PIEZO1: variants seen among roughly 807,000 people sequenced by gnomAD.
The protein encoded by PIEZO1 is piezo type mechanosensitive ion channel component 1 (Er blood group), also known as piezo-type mechanosensitive ion channel component 1.
PIEZO1 carries 296 observed loss-of-function variants against 297.2 expected under a neutral mutation model. The observed-to-expected ratio is 1.00, with a 90% CI of 0.91 to 1.10. PIEZO1 has a LOEUF of 1.10. Ranked by LOEUF, PIEZO1 falls within the 50% of genes least tolerant of loss-of-function variation. The probability of loss-of-function intolerance (pLI) is 0.00; values close to 1 mark genes in which losing one functional copy is unlikely to be tolerated. For synonymous variants in PIEZO1, 2,427 were observed against 1,507.5 expected (o/e 1.61, Z -14.13); for missense variants, 5,018 against 3,455.5 (o/e 1.45, Z -11.34).
intron 44 of PIEZO1, chr16:88,717,575 CTA>C (rs2142753273): frequency 2.1e-6 from 1 of 480,746 alleles, no homozygotes; most frequent in South Asian, 1.5e-5. Context: ...AGAGCTAAAA[CTA>C]TAGAACTTTT....
chr16:88,771,818 G>T (rs1907439047), intron 1 of PIEZO1, among the ~76,000 whole-genome samples: 1 of 34,078 alleles, frequency 2.9e-5, no homozygotes, highest in South Asian at 1.1e-3. Context: ...CGCGGCCCCA[G>T]GCCCTCCTGA....
In PIEZO1 at chr16:88,736,136, G is replaced by A. The variant is rs1905196685; in HGVS notation, c.1557+12C>T. ...CACCCAGGCACCCCCGGATGTGGTG[G>A]TGCACACTCACCATGGCACCAAGGT... On this transcript the variant is annotated intron_variant, in intron 12 of 50. Transcript: ENST00000301015. 2.6e-6 allele frequency: 4 copies of A among 1,537,828 alleles called. No individual in the cohort carries two copies. The highest frequency in any genetic ancestry group is 2.0e-5 in the Admixed American group (1 of 50,682).
chr16:88,715,370 T>TTTAA lies in PIEZO1; in HGVS notation c.*231_*234dup, dbSNP rs1250833686. ...GTCCATTTGTATAAATAAAACATTT[T>TTTAA]TTAATTAAAAAAAAAACTCTACAGT... is the stretch of plus-strand genomic sequence containing the variant. On this transcript the variant is annotated 3_prime_UTR_variant, in exon 51 of 51. Transcript: ENST00000301015. 3.3e-5 allele frequency: 40 copies of TTTAA among 1,212,568 alleles called. No individual in the cohort carries two copies. Among genetic ancestry groups the TTTAA allele is most frequent in the East Asian group, 1.0e-4 (4 of 39,270 alleles). 75.1% of individuals were successfully genotyped at this position (1,212,568 alleles called of 1,614,324 possible).
rs1286645169 is a variant in PIEZO1 at position 88,735,243 on chromosome 16, G to A, written c.1561C>T (p.Leu521Phe). The A allele has an allele frequency of 5.2e-6, 8 of 1,548,620 alleles. No individual in the cohort carries two copies. The highest frequency in any genetic ancestry group is 2.0e-5 in the Admixed American group (1 of 50,974). The change falls in exon 13 of 51, where the codon CTC (leucine) becomes TTC (phenylalanine). Residue 521 changes from leucine to phenylalanine, a missense_variant. Physicochemically the swap from Leu to Phe is conservative, Grantham distance 22. Coordinates refer to ENST00000301015, the MANE Select transcript of PIEZO1 (RefSeq NM_001142864.4). ...AGGAGCCAGAAGGTCAGGGTGTAGA[G>A]CAACTGTGACAAGCGCAGGGTGTCA... ...YPCLDLGAML[L>F]YTLTFWLLLR... is the part of the protein sequence containing the mutation.
intron 12 of PIEZO1, 61 bp downstream of exon 12, chr16:88,736,087 G>C: frequency 6.8e-7 from 1 of 1,467,758 alleles, no homozygotes; most frequent in African/African-American, 1.4e-5. Flanking sequence ...CATTGAACAG[G>C]ACGACAACCC....
chr16:88,738,763 G>A (rs1393658193), intron 5 of PIEZO1, 27 bp from the exon 6 acceptor site: 2 of 1,518,618 alleles, frequency 1.3e-6, no homozygotes, highest in Admixed American at 2.0e-5. Flanking sequence ...CAGGGGCAAG[G>A]TCAGGTGTAT....
intron 1 of PIEZO1, among the ~76,000 whole-genome samples, chr16:88,764,829 C>G (rs1206680858): frequency 6.6e-6 from 1 of 152,138 alleles, no homozygotes; most frequent in Non-Finnish European, 1.5e-5. Context: ...ATGCCGTGAC[C>G]TCCCAAAACG....
rs1292201259 is a variant in PIEZO1 at position 88,716,234 on chromosome 16, C to T, written c.7093G>A (p.Gly2365Arg). The T allele has an allele frequency of 1.9e-5, 29 of 1,496,132 alleles. No individual in the cohort carries two copies. The highest frequency in any genetic ancestry group is 4.2e-5 in the African/African-American group (3 of 71,816). 92.7% of individuals were successfully genotyped at this position (1,496,132 alleles called of 1,614,324 possible). ...LFPKYIRAPN[G>R]PEANPVKQLQ... ...TGCTTCACAGGGTTGGCTTCGGGCCCGTTGGGGGCACGGATGTACTTGGGG... is the reference window on the plus strand; with the variant it reads ...TGCTTCACAGGGTTGGCTTCGGGCCTGTTGGGGGCACGGATGTACTTGGGG... The change falls in exon 49 of 51, where the codon GGG becomes AGG. Residue 2365 changes from glycine (G) to arginine (R), a missense_variant. Coordinates refer to ENST00000301015, the MANE Select transcript of PIEZO1 (RefSeq NM_001142864.4).
At chr16:88,784,792 C>A in intron 1 of PIEZO1, 109 bp downstream of exon 1, 1 of 780,830 alleles carries the variant, frequency 1.3e-6, no homozygotes, top group South Asian at 2.7e-5. Context: ...AATTTCCGCG[C>A]CCGCTCGCCC....
chr16:88,725,989 G>A, intron 27 of PIEZO1: 1 of 568,232 alleles, frequency 1.8e-6, no homozygotes. Context: ...ACACCACACA[G>A]TGGCCCTCCC....
chr16:88,773,872 C>A (rs1907538929), intron 1 of PIEZO1, among the ~76,000 whole-genome samples: 1 of 152,136 alleles, frequency 6.6e-6, no homozygotes. Context: ...CCGGAGCTTG[C>A]TCTGGGCACT....
At position 88,753,707 on chromosome 16, in the gene PIEZO1, T is replaced by A. The variant is rs1033940167; in HGVS notation, c.65-4228A>T. ...ACACTCCTTGGATCTACCTGTGCTG[T>A]CTATGCAGCCGGCAGTGCTCTTGGT... On this transcript the variant is annotated intron_variant, in intron 1 of 50. Transcript: ENST00000301015. Among the ~76,000 whole-genome samples, 18 of 152,310 alleles carry A rather than the reference T, an allele frequency of 1.2e-4. 1 individual carries two copies. Among genetic ancestry groups the A allele is most frequent in the African/African-American group, 4.8e-5 (2 of 41,576 alleles).
rs1310557035 is a variant in PIEZO1 at position 88,715,870 on chromosome 16, G to T, written c.7317-16C>A. On this transcript the variant is annotated splice_polypyrimidine_tract_variant and intron_variant, in intron 50 of 50. Transcript: ENST00000301015. ...CCCCATGATGCTGCGGGGGAAGCTG[G>T]TGAGTCCTGGGGCCGCCCGGAGCCC... The T allele has an allele frequency of 6.5e-7, 1 of 1,548,704 alleles. No individual in the cohort carries two copies. Among genetic ancestry groups the T allele is most frequent in the Non-Finnish European group, 8.7e-7 (1 of 1,145,828 alleles).
rs1048227877 is a variant in PIEZO1 at position 88,727,127 on chromosome 16, C to A, written c.3367G>T (p.Glu1123Ter). Residue 1123 changes from glutamate to a stop codon, truncating the protein, a stop_gained, in exon 24 of 51, where the codon GAG (glutamate) becomes TAG (stop). Coordinates refer to ENST00000301015, the MANE Select transcript of PIEZO1 (RefSeq NM_001142864.4). LOFTEE classifies it high-confidence loss of function. The part of the protein sequence containing the change: ...WQVFSAERTE[E>*]WQRMAGVNTD... ...TTGACGCCAGCCATGCGCTGCCACTCCTCTGTGCGCTCAGCTGAGAACACC... is the reference window on the plus strand; with the variant it reads ...TTGACGCCAGCCATGCGCTGCCACTACTCTGTGCGCTCAGCTGAGAACACC... 15 of 1,549,966 alleles carry A rather than the reference C, an allele frequency of 9.7e-6. No homozygotes were observed. The highest frequency in any genetic ancestry group is 8.7e-6 in the Non-Finnish European group (10 of 1,146,724).
intron 1 of PIEZO1, among the ~76,000 whole-genome samples, chr16:88,762,921 C>A (rs1017110021): frequency 6.6e-6 from 1 of 152,186 alleles, no homozygotes; most frequent in Non-Finnish European, 1.5e-5. Context: ...CCAATACGCC[C>A]GAGCCCCCAC....
intron 1 of PIEZO1, among the ~76,000 whole-genome samples, chr16:88,763,389 T>C (rs547585595): frequency 8.5e-5 from 13 of 152,292 alleles, no homozygotes; most frequent in Middle Eastern, 3.4e-3. Flanking sequence ...ATCTAGAAAG[T>C]AGCAGTGGGC....
chr16:88,726,843 G>T lies in PIEZO1; in HGVS notation c.3571C>A (p.Leu1191Met), dbSNP rs542605482. The change falls in exon 25 of 51, where the codon CTG (leucine) becomes ATG (methionine). Residue 1191 changes from leucine to methionine, a missense_variant. By Grantham distance (15) the Leu-to-Met change is conservative. Coordinates refer to ENST00000301015, the MANE Select transcript of PIEZO1 (RefSeq NM_001142864.4). ...RISIFGLGYL[L>M]ACFYLLLFGT... is the part of the protein sequence containing the mutation. Reference sequence around the variant, plus strand: ...AAGAGCAGCAGGTAGAAGCAGGCCAGCAGGTAGCCCAGCCCGAAGATGCTG... The same window carrying T: ...AAGAGCAGCAGGTAGAAGCAGGCCATCAGGTAGCCCAGCCCGAAGATGCTG... The T allele has an allele frequency of 1.3e-6, 2 of 1,550,400 alleles. No individual in the cohort carries two copies. Among genetic ancestry groups the T allele is most frequent in the African/African-American group, 2.7e-5 (2 of 73,162 alleles).
In PIEZO1 at chr16:88,725,675, G is replaced by C. The variant is rs775724730; in HGVS notation, c.3978C>G (p.Ala1326=). 2 of 1,542,938 alleles carry C rather than the reference G, an allele frequency of 1.3e-6. No individual in the cohort carries two copies. Among genetic ancestry groups the C allele is most frequent in the Non-Finnish European group, 1.8e-6 (2 of 1,140,188 alleles). The change falls in exon 28 of 51, where the codon GCC becomes GCG. Residue 1326 remains alanine (A), a synonymous_variant. Transcript: ENST00000301015. ...ATALLASRGF[A]LYNAANLKSI... is the part of the protein sequence containing the mutation. ...TCTTGAGGTTGGCAGCGTTGTAGAG[G>C]GCGAAGCCCCTGTAGGGAGGCGGGG...
intron 27 of PIEZO1, chr16:88,725,969 G>T (rs1022453031): frequency 3.5e-6 from 2 of 567,402 alleles, no homozygotes; most frequent in Non-Finnish European, 6.3e-6. Flanking sequence ...CCCTCCCTGG[G>T]GCAGTCGTGA....
Sources: gnomAD v4.1 joint callset for allele counts (sites outside exome capture counted in the v4.1 genomes callset) on GRCh38, gnomAD v4.1.1 for gene constraint, MANE v1.5 for transcripts, NCBI Gene and HGNC (gene_info 2026-07-23, HGNC 2026-07-21) for gene names.